The following CA1 variants were observed in gnomAD, a reference collection of about 807,000 sequenced individuals.
The protein encoded by CA1 is carbonic anhydrase 1.
CA1 carries 27 observed loss-of-function variants against 28.8 expected under a neutral mutation model. The ratio of observed to expected loss-of-function variants is 0.94; its 90% CI spans 0.69 to 1.29. The LOEUF is 1.29. Among genes scored for constraint, CA1 ranks in the 50% most tolerant of loss-of-function variants. CA1 has a pLI of 0.00. For synonymous variants in CA1, 121 were observed against 108.8 expected (o/e 1.11, Z -0.70); for missense variants, 335 against 310.5 (o/e 1.08, Z -0.59).
At chr8:85,357,139 G>A (rs912275672) in intron 1 of CA1, among the ~76,000 whole-genome samples, 1 of 152,186 alleles carries the variant, frequency 6.6e-6, no homozygotes, top group Non-Finnish European at 1.5e-5. Flanking sequence ...CTTCGTGTCA[G>A]GTCAGGTTAG....
chr8:85,341,702 G>T, intron 1 of CA1, 43 bp from the exon 2 acceptor site: 1 of 1,056,428 alleles, frequency 9.5e-7, no homozygotes, highest in Non-Finnish European at 1.5e-6. Flanking sequence ...CTGCAACTGT[G>T]CATGCAGGAG....
At chr8:85,340,339 C>T (rs993245964) in intron 2 of CA1, among the ~76,000 whole-genome samples, 2 of 152,180 alleles carry the variant, frequency 1.3e-5, no homozygotes, top group Non-Finnish European at 2.9e-5. Flanking sequence ...GCCTGAATGA[C>T]AGCACATCTA....
chr8:85,352,196 G>A (rs1365393481), intron 1 of CA1, among the ~76,000 whole-genome samples: 1 of 152,156 alleles, frequency 6.6e-6, no homozygotes, highest in Non-Finnish European at 1.5e-5. Context: ...GAGAAAGTAT[G>A]TTTTGAACTC....
chr8:85,331,058 C>G lies in CA1; in HGVS notation c.514-1214G>C, dbSNP rs193227643. Reference sequence around the variant, plus strand: ...ATTGTTTCTTAAAAGTTGAGTAACCCTTTTCCATGAAGTGGTCTGGGCCTA... The same window carrying G: ...ATTGTTTCTTAAAAGTTGAGTAACCGTTTTCCATGAAGTGGTCTGGGCCTA... On this transcript the variant is annotated intron_variant, in intron 6 of 7. Coordinates refer to ENST00000523022, the MANE Select transcript of CA1 (RefSeq NM_001128831.4). Among the ~76,000 whole-genome samples, 492 of 152,162 alleles carry G rather than the reference C, an allele frequency of 3.2e-3. 4 individuals are homozygous for G. Among genetic ancestry groups the G allele is most frequent in the African/African-American group, 0.011 (462 of 41,536 alleles).
intron 5 of CA1, among the ~76,000 whole-genome samples, chr8:85,332,844 C>G (rs1808467338): frequency 6.6e-6 from 1 of 152,098 alleles, no homozygotes; most frequent in African/African-American, 2.4e-5. Context: ...TTTATCAAAA[C>G]TGACACAAAA....
intron 1 of CA1, among the ~76,000 whole-genome samples, chr8:85,355,896 A>G (rs1809590057): frequency 6.6e-6 from 1 of 151,938 alleles, no homozygotes; most frequent in Admixed American, 6.6e-5. Flanking sequence ...TCAGCCTGCC[A>G]TGACTTTCTT....
chr8:85,357,879 A>G (rs1471687327), intron 1 of CA1, among the ~76,000 whole-genome samples: 4 of 152,354 alleles, frequency 2.6e-5, no homozygotes, highest in African/African-American at 9.6e-5. Flanking sequence ...GGAATTGGAC[A>G]TAGGAACTTG....
rs1399620065 is a variant in CA1 at position 85,338,208 on chromosome 8, A to C, written c.235+44T>G. ...CGAGCACTATTTTTTAAATTTTCCC[A>C]GTAGACTGTAAGAAAAAAATATCAG... is the stretch of plus-strand genomic sequence containing the variant. On this transcript the variant is annotated intron_variant, in intron 3 of 7. Coordinates refer to ENST00000523022, the MANE Select transcript of CA1 (RefSeq NM_001128831.4). 3 of 1,496,590 alleles carry C rather than the reference A, an allele frequency of 2.0e-6. No homozygotes were observed. The African/African-American group carries it at 4.1e-5, about 21-fold the overall frequency. 92.7% of individuals were successfully genotyped at this position (1,496,590 alleles called of 1,614,324 possible).
chr8:85,361,089 G>T (rs1003406171), intron 1 of CA1, among the ~76,000 whole-genome samples: 1 of 152,124 alleles, frequency 6.6e-6, no homozygotes, highest in African/African-American at 2.4e-5. Context: ...GGCACATGTT[G>T]TCCCATCCTG....
At chr8:85,371,174 T>C (rs1385002594) in intron 1 of CA1, among the ~76,000 whole-genome samples, 1 of 152,170 alleles carries the variant, frequency 6.6e-6, no homozygotes, top group Non-Finnish European at 1.5e-5. Context: ...TTTGGTTAGC[T>C]GATTCTGTGC....
chr8:85,375,534 T>G (rs566530927), intron 1 of CA1, among the ~76,000 whole-genome samples: 3 of 150,382 alleles, frequency 2.0e-5, no homozygotes, highest in Non-Finnish European at 3.0e-5. Flanking sequence ...AAAAAAAGAT[T>G]AGAACAAATA....
intron 4 of CA1, 31 bp downstream of exon 4, chr8:85,336,914 T>C: frequency 1.6e-6 from 2 of 1,281,076 alleles, no homozygotes; most frequent in Non-Finnish European, 2.3e-6. Context: ...ACTCTCAGGG[T>C]AATTATCTCT....
chr8:85,369,504 A>G (rs1810136956), intron 1 of CA1, among the ~76,000 whole-genome samples: 1 of 152,200 alleles, frequency 6.6e-6, no homozygotes, highest in Non-Finnish European at 1.5e-5. Flanking sequence ...TTTGCTTTAC[A>G]TAGTGATTTG....
intron 1 of CA1, among the ~76,000 whole-genome samples, chr8:85,370,442 C>T (rs1810173993): frequency 6.6e-6 from 1 of 151,926 alleles, no homozygotes; most frequent in Non-Finnish European, 1.5e-5. Context: ...TTAAAAAAAA[C>T]TTTTAAAATC....
intron 1 of CA1, among the ~76,000 whole-genome samples, chr8:85,374,956 C>T (rs1025305492): frequency 6.6e-6 from 1 of 152,148 alleles, no homozygotes; most frequent in Non-Finnish European, 1.5e-5. Context: ...CCTCCAATAC[C>T]ACCTGATACA....
chr8:85,339,406 T>G (rs1585925602), intron 2 of CA1, among the ~76,000 whole-genome samples: 1 of 152,210 alleles, frequency 6.6e-6, no homozygotes, highest in Non-Finnish European at 1.5e-5. Context: ...AGTAAGATGA[T>G]GAACTTAATC....
At chr8:85,329,490 C>T (rs891189820) in intron 7 of CA1, among the ~76,000 whole-genome samples, 199 bp downstream of exon 7, 2 of 149,838 alleles carry the variant, frequency 1.3e-5, no homozygotes, top group African/African-American at 4.9e-5. Context: ...TTTTTTTCTG[C>T]ATAAAGGCAA....
In CA1 at chr8:85,333,594, T is replaced by G. The variant is rs1808505312; in HGVS notation, c.381A>C (p.Ala127=). The G allele has an allele frequency of 1.9e-6, 3 of 1,612,066 alleles. No individual in the cohort carries two copies. Among genetic ancestry groups the G allele is most frequent in the Non-Finnish European group, 2.5e-6 (3 of 1,178,482 alleles). Reference sequence around the variant, plus strand: ...CAGCTTCAGCAAGGCTGGAGTACTTTGCAGAATTCCAGTGAGCTACGTGAA... The same window carrying G: ...CAGCTTCAGCAAGGCTGGAGTACTTGGCAGAATTCCAGTGAGCTACGTGAA... ...AELHVAHWNS[A]KYSSLAEAAS... The change falls in exon 5 of 8, where the codon GCA becomes GCC. Residue 127 remains alanine, a synonymous_variant. Coordinates refer to ENST00000523022, the MANE Select transcript of CA1 (RefSeq NM_001128831.4).
At chr8:85,333,304 T>C (rs1050553808) in intron 5 of CA1, among the ~76,000 whole-genome samples, 1 of 152,148 alleles carries the variant, frequency 6.6e-6, no homozygotes, top group African/African-American at 2.4e-5. Context: ...CACATTTCTA[T>C]CTCACCTCCA....
Sources: allele counts gnomAD v4.1 joint callset (sites outside exome capture counted in the v4.1 genomes callset), GRCh38; gene constraint gnomAD v4.1.1; transcripts MANE v1.5; gene names NCBI Gene and HGNC (gene_info 2026-07-23, HGNC 2026-07-21).